Variants in R3HDM1 observed in about 807,000 individuals in gnomAD.
R3HDM1 encodes the protein R3H domain containing 1, also known as R3H domain-containing protein 1.
R3HDM1 carries 46 observed loss-of-function variants against 141.1 expected under a neutral mutation model. The observed-to-expected ratio is 0.33, with a 90% confidence interval of 0.26 to 0.42. The LOEUF (loss-of-function observed/expected upper bound fraction) is 0.42. R3HDM1 is among the 10% of genes least tolerant of loss of function. R3HDM1 has a pLI of 1.00. For synonymous variants in R3HDM1, 435 were observed against 472.9 expected, an observed-to-expected ratio of 0.92 and a Z score of 1.04; for missense variants, 1,184 against 1,368.3, an observed-to-expected ratio of 0.87 and a Z score of 2.12.
chr2:135,547,248 A>G (rs1000539639), intron 1 of R3HDM1, among the ~76,000 whole-genome samples: 3 of 152,188 alleles, frequency 2.0e-5, no homozygotes, highest in Non-Finnish European at 2.9e-5. Context: ...AGCATTTTTA[A>G]AAATCAAAAC....
At chr2:135,616,340 T>G in intron 4 of R3HDM1, 147 bp downstream of exon 4, 3 of 848,322 alleles carry the variant, frequency 3.5e-6, no homozygotes, top group South Asian at 4.5e-5. Context: ...TTGGGATTTT[T>G]GTCTTGCCTA....
chr2:135,621,642 A>T (rs767648345), intron 6 of R3HDM1, 34 bp downstream of exon 6: 30 of 1,500,738 alleles, frequency 2.0e-5, no homozygotes, highest in African/African-American at 1.7e-4. Flanking sequence ...TTAAAAAAAA[A>T]TTTTGCTATC....
intron 19 of R3HDM1, among the ~76,000 whole-genome samples, chr2:135,666,527 C>T (rs1036110440): frequency 6.6e-6 from 1 of 152,050 alleles, no homozygotes; most frequent in African/African-American, 2.4e-5. Flanking sequence ...ATTAACCTGC[C>T]GCCACTGAAA....
rs761480974 is a variant in R3HDM1, at chr2:135,638,833, A to AT, written c.992+51dup. The stretch of plus-strand genomic sequence containing the variant: ...CAATACAGTATTGAAAAATTAAAGC[A>AT]TTTTTTTCTTTACTTTTTGTTCCCC... On this transcript the variant is annotated intron_variant, in intron 13 of 26. Coordinates refer to ENST00000683871, the MANE Select transcript of R3HDM1 (RefSeq NM_001378107.1). The AT allele has an allele frequency of 4.3e-6, 7 of 1,611,608 alleles. No individual in the cohort carries two copies. The African/African-American group carries it at 8.0e-5, about 19-fold the overall frequency.
At chr2:135,595,603 C>A (rs1365000820) in intron 1 of R3HDM1, among the ~76,000 whole-genome samples, 1 of 152,158 alleles carries the variant, frequency 6.6e-6, no homozygotes, top group African/African-American at 2.4e-5. Context: ...ATAAATAACT[C>A]TTTAAGGGTT....
intron 14 of R3HDM1, among the ~76,000 whole-genome samples, chr2:135,640,163 A>T (rs990861877): frequency 1.3e-5 from 2 of 152,160 alleles, no homozygotes; most frequent in African/African-American, 4.8e-5. Context: ...GAGCCTAAAC[A>T]TAAGGTATTG....
intron 9 of R3HDM1, among the ~76,000 whole-genome samples, chr2:135,632,832 T>C (rs2105221048): frequency 6.6e-6 from 1 of 152,292 alleles, no homozygotes; most frequent in East Asian, 1.9e-4. Context: ...AATAATCCTT[T>C]TTGGTCCATT....
At chr2:135,619,779 C>T (rs1433082884) in intron 5 of R3HDM1, 2 of 925,942 alleles carry the variant, frequency 2.2e-6, no homozygotes, top group East Asian at 1.2e-4. Flanking sequence ...TGGAATAAAA[C>T]TCATTATTCA....
At chr2:135,625,432 C>T (rs1037297552) in intron 7 of R3HDM1, among the ~76,000 whole-genome samples, 3 of 151,872 alleles carry the variant, frequency 2.0e-5, no homozygotes, top group African/African-American at 7.3e-5. Flanking sequence ...GCAATAAGAG[C>T]AAAACTCCAT....
At chr2:135,590,639 T>C in intron 1 of R3HDM1, 1 of 985,362 alleles carries the variant, frequency 1.0e-6, no homozygotes, top group South Asian at 4.7e-5. Flanking sequence ...AAAGAGAAAT[T>C]ATATCTGCTA....
At chr2:135,570,955 A>G (rs1227741781) in intron 1 of R3HDM1, among the ~76,000 whole-genome samples, 1 of 152,222 alleles carries the variant, frequency 6.6e-6, no homozygotes, top group Non-Finnish European at 1.5e-5. Context: ...GACTTGATCA[A>G]AAATTGCATT....
At position 135,543,419 on chromosome 2, in the gene R3HDM1, G is replaced by GT. The variant is rs200352792; in HGVS notation, c.-250+11799dup. Among the ~76,000 whole-genome samples the GT allele has an allele frequency of 2.3e-3, 333 of 142,890 alleles. 1 individual carries two copies. The highest frequency in any genetic ancestry group is 2.7e-3 in the African/African-American group (107 of 39,560). 93.7% of individuals were successfully genotyped at this position (142,890 alleles called of 152,430 possible). On this transcript the variant is annotated intron_variant, in intron 1 of 26. Transcript: ENST00000683871. ...CTCCAATTCTGTTCTTCTTTTTCGAGTTTTTTTTTTTTTCTTTTTGCCTTT... is the reference window on the plus strand; with the variant it reads ...CTCCAATTCTGTTCTTCTTTTTCGAGTTTTTTTTTTTTTTCTTTTTGCCTTT...
At chr2:135,544,780 G>C (rs1420597999) in intron 1 of R3HDM1, among the ~76,000 whole-genome samples, 1 of 152,088 alleles carries the variant, frequency 6.6e-6, no homozygotes, top group Non-Finnish European at 1.5e-5. Flanking sequence ...GGGCAACCTG[G>C]CGAAACCCTC....
At chr2:135,716,379 G>T (rs187233158) in intron 24 of R3HDM1, among the ~76,000 whole-genome samples, 2 of 152,314 alleles carry the variant, frequency 1.3e-5, no homozygotes, top group East Asian at 3.9e-4. Flanking sequence ...TGCCCTTGGT[G>T]TATAAAGATG....
At chr2:135,598,227 G>A (rs2059351631) in intron 1 of R3HDM1, among the ~76,000 whole-genome samples, 1 of 152,064 alleles carries the variant, frequency 6.6e-6, no homozygotes, top group East Asian at 1.9e-4. Context: ...TGCATAGTTG[G>A]TACTCATCAT....
At chr2:135,647,299 G>A (rs2064574846) in intron 16 of R3HDM1, among the ~76,000 whole-genome samples, 1 of 152,138 alleles carries the variant, frequency 6.6e-6, no homozygotes, top group African/African-American at 2.4e-5. Context: ...TTATTATGCT[G>A]TCATGTAGTT....
At chr2:135,663,684 A>C (rs530889584) in intron 19 of R3HDM1, among the ~76,000 whole-genome samples, 2 of 152,284 alleles carry the variant, frequency 1.3e-5, no homozygotes, top group African/African-American at 4.8e-5. Context: ...TTTAAAAGTT[A>C]TAATCTAAAG....
At chr2:135,650,129 AAAC>A (rs2064994530) in intron 17 of R3HDM1, 126 bp downstream of exon 17, 1 of 995,182 alleles carries the variant, frequency 1.0e-6, no homozygotes, top group Non-Finnish European at 1.2e-6. Context: ...ATATGTATCT[AAAC>A]AAAGTATTTC....
chr2:135,591,614 TTAA>T (rs1367780601), intron 1 of R3HDM1, among the ~76,000 whole-genome samples: 1 of 152,194 alleles, frequency 6.6e-6, no homozygotes, highest in Non-Finnish European at 1.5e-5. Context: ...AGAATATAAC[TTAA>T]TGAGACTAAG....
Sources: allele counts gnomAD v4.1 joint callset (sites outside exome capture counted in the v4.1 genomes callset), GRCh38; gene constraint gnomAD v4.1.1; transcripts MANE v1.5; gene names NCBI Gene and HGNC (gene_info 2026-07-23, HGNC 2026-07-21).